Variants in ZDHHC7 observed in about 807,000 individuals in gnomAD.
ZDHHC7 encodes the protein palmitoyltransferase ZDHHC7.
Under a neutral mutation model 34.1 loss-of-function variants are expected in ZDHHC7, and 12 were observed. The ratio of observed to expected loss-of-function variants is 0.35; its 90% CI spans 0.23 to 0.57. ZDHHC7 has a LOEUF of 0.57. Among genes scored for constraint, ZDHHC7 ranks in the 20% least tolerant of loss-of-function variants. The probability of loss-of-function intolerance (pLI) is 0.84; values close to 1 mark genes in which losing one functional copy is unlikely to be tolerated. For synonymous variants in ZDHHC7, 185 were observed against 155.4 expected, an observed-to-expected ratio of 1.19 and a Z score of -1.42; for missense variants, 388 against 402.7, an observed-to-expected ratio of 0.96 and a Z score of 0.31.
chr16:84,995,986 A>G lies in ZDHHC7; in HGVS notation c.-82T>C, dbSNP rs780853905. 2.0e-5 allele frequency: 3 copies of G among 152,254 alleles called. No individual in the cohort carries two copies. The highest frequency in any genetic ancestry group is 4.4e-5 in the Non-Finnish European group (3 of 68,054). 9.4% of individuals were successfully genotyped at this position (152,254 alleles called of 1,614,324 possible). On this transcript the variant is annotated 5_prime_UTR_variant, in exon 2 of 8. The change abolishes an upstream ATG in the 5' untranslated region. Coordinates refer to ENST00000313732, the MANE Select transcript of ZDHHC7 (RefSeq NM_017740.3). ...CCGTTTCTTCAGGATCTTAAGGTGCATACTGTCCTATGTGATCGGATCTGA... is the reference window on the plus strand; with the variant it reads ...CCGTTTCTTCAGGATCTTAAGGTGCGTACTGTCCTATGTGATCGGATCTGA...
chr16:85,020,886 C>T, the ZDHHC7 span, among the ~76,000 whole-genome samples: 6 of 152,002 alleles, frequency 3.9e-5, no homozygotes, highest in Non-Finnish European at 8.8e-5. Flanking sequence ...GGGAGGATTA[C>T]CTGAGCCCAG....
At chr16:85,009,669 C>A (rs1345132795) in intron 1 of ZDHHC7, among the ~76,000 whole-genome samples, 1 of 151,942 alleles carries the variant, frequency 6.6e-6, no homozygotes, top group Non-Finnish European at 1.5e-5. Context: ...TTTCAAATAT[C>A]CCAAGAGCCT....
intron 3 of ZDHHC7, among the ~76,000 whole-genome samples, chr16:84,987,832 AG>A (rs1311562035): frequency 6.6e-6 from 1 of 152,200 alleles, no homozygotes; most frequent in Non-Finnish European, 1.5e-5. Context: ...GCCTGGTGAG[AG>A]CCAGGCACAA....
At chr16:84,996,611 G>A (rs191875314) in intron 1 of ZDHHC7, among the ~76,000 whole-genome samples, 194 of 152,290 alleles carry the variant, frequency 1.3e-3, no homozygotes, top group African/African-American at 4.5e-3. Flanking sequence ...AAGACTCTGC[G>A]ATGTAGGGAA....
intron 1 of ZDHHC7, among the ~76,000 whole-genome samples, chr16:85,010,908 T>C (rs1463686799): frequency 2.6e-5 from 4 of 152,226 alleles, no homozygotes; most frequent in Non-Finnish European, 4.4e-5. Context: ...AGACTGCTCA[T>C]TGTAATACCT....
At chr16:85,010,634 T>G (rs923155286) in intron 1 of ZDHHC7, among the ~76,000 whole-genome samples, 5 of 152,168 alleles carry the variant, frequency 3.3e-5, no homozygotes, top group Non-Finnish European at 5.9e-5. Flanking sequence ...ACACTCCAAT[T>G]TAACGGCCAC....
chr16:85,022,055 G>C, the ZDHHC7 span, among the ~76,000 whole-genome samples: 3 of 151,156 alleles, frequency 2.0e-5, no homozygotes, highest in Non-Finnish European at 4.4e-5. Flanking sequence ...AGCTACTCAG[G>C]AGGCTGAGGC....
At chr16:85,009,234 T>C (rs900493184) in intron 1 of ZDHHC7, among the ~76,000 whole-genome samples, 2 of 152,054 alleles carry the variant, frequency 1.3e-5, no homozygotes, top group Non-Finnish European at 2.9e-5. Flanking sequence ...AAGATTGTAT[T>C]ATTTATATCA....
the ZDHHC7 span, among the ~76,000 whole-genome samples, chr16:85,020,094 C>T: frequency 6.6e-6 from 1 of 152,212 alleles, no homozygotes; most frequent in East Asian, 1.9e-4. Flanking sequence ...GCGCCACACC[C>T]CTCTGGAAAG....
the ZDHHC7 span, among the ~76,000 whole-genome samples, chr16:85,026,728 T>C: frequency 6.6e-6 from 1 of 151,948 alleles, no homozygotes; most frequent in Admixed American, 6.6e-5. Context: ...CACCGTTTTC[T>C]AAAATTGACA....
intron 2 of ZDHHC7, 26 bp from the exon 3 acceptor site, chr16:84,990,661 G>C (rs775131378): frequency 6.3e-7 from 1 of 1,580,294 alleles, no homozygotes; most frequent in East Asian, 2.2e-5. Context: ...ACACAGAGCT[G>C]GTAAGGCTCA....
At chr16:85,004,197 A>G (rs868273019) in intron 1 of ZDHHC7, among the ~76,000 whole-genome samples, 24 of 151,820 alleles carry the variant, frequency 1.6e-4, no homozygotes, top group African/African-American at 2.2e-4. Flanking sequence ...CACACCCAAA[A>G]AAAAAGGCCC....
At chr16:85,012,313 G>C (rs995123917), upstream of ZDHHC7, among the ~76,000 whole-genome samples, 1 of 151,492 alleles carries the variant, frequency 6.6e-6, no homozygotes, top group Non-Finnish European at 1.5e-5. Flanking sequence ...GAACCCAGGA[G>C]GCGAAGGTTG....
chr16:85,010,319 G>A (rs1296274409), intron 1 of ZDHHC7, among the ~76,000 whole-genome samples: 2 of 152,154 alleles, frequency 1.3e-5, no homozygotes, highest in African/African-American at 4.8e-5. Flanking sequence ...ACGAGCCACC[G>A]CGTGCGTACC....
intron 4 of ZDHHC7, 145 bp downstream of exon 4, chr16:84,981,725 T>G: frequency 6.7e-7 from 1 of 1,487,618 alleles, no homozygotes; most frequent in East Asian, 2.3e-5. Flanking sequence ...AGAAAGAACA[T>G]GACACCTACG....
intron 5 of ZDHHC7, chr16:84,978,262 A>G: frequency 3.2e-6 from 1 of 311,792 alleles, no homozygotes; most frequent in South Asian, 5.2e-5. Context: ...GTAACTGCTG[A>G]CCTCTAGTGA....
At chr16:84,988,952 G>A in intron 3 of ZDHHC7, 1 of 1,364,570 alleles carries the variant, frequency 7.3e-7, no homozygotes, top group Non-Finnish European at 1.0e-6. Context: ...CGAAGTGCCT[G>A]GGCACTTTGG....
intron 2 of ZDHHC7, among the ~76,000 whole-genome samples, chr16:84,991,129 A>C (rs1396039931): frequency 6.6e-6 from 1 of 152,114 alleles, no homozygotes; most frequent in Non-Finnish European, 1.5e-5. Context: ...TCATCTTTAC[A>C]CCGCCTCATA....
Position 84,977,193 on chromosome 16 carries a change from T to A in ZDHHC7, c.652A>T (p.Ile218Phe). 6.2e-7 allele frequency: 1 copy of A among 1,614,142 alleles called. No homozygotes were observed. The highest frequency in any genetic ancestry group is 8.5e-7 in the Non-Finnish European group (1 of 1,180,032). ...CSDFSPPITVILLIFLCLEGL... is the reference protein window; with the variant it reads ...CSDFSPPITVFLLIFLCLEGL... ...TCAAGGCACAGGAAGATCAACAGGA[T>A]TACAGTTATCGGAGGTGAAAAATCA... Residue 218 changes from isoleucine (I) to phenylalanine (F), a missense_variant, in exon 7 of 8, where the codon ATC (isoleucine) becomes TTC (phenylalanine). Ile to Phe is a conservative substitution (Grantham distance 21, BLOSUM62 0). Coordinates refer to ENST00000313732, the MANE Select transcript of ZDHHC7 (RefSeq NM_017740.3).
Sources: allele counts gnomAD v4.1 joint callset (sites outside exome capture counted in the v4.1 genomes callset), GRCh38; gene constraint gnomAD v4.1.1; transcripts MANE v1.5; gene names NCBI Gene and HGNC (gene_info 2026-07-23, HGNC 2026-07-21).